XG: variants seen among roughly 807,000 people sequenced by gnomAD.
XG encodes Xg glycoprotein (Xg blood group).
XG carries 24 observed loss-of-function variants against 25.7 expected under a neutral mutation model. The ratio of observed to expected loss-of-function variants is 0.93; its 90% CI spans 0.68 to 1.31. The LOEUF is 1.31. XG is among the 40% of genes most tolerant of loss of function. The pLI is 0.00. For missense variants in XG, 181 were observed against 187.6 expected (o/e 0.96, Z 0.21); for synonymous variants, 77 against 69.2 (o/e 1.11, Z -0.56).
chrX:2,759,555 C>G (rs1466000150), intron 1 of XG, among the ~76,000 whole-genome samples: 2 of 152,146 alleles, frequency 1.3e-5, no homozygotes, highest in African/African-American at 2.4e-5. Flanking sequence ...GCTGAGCATT[C>G]CATAGTTTCC....
At chrX:2,765,236 A>G (rs906367997) in intron 1 of XG, among the ~76,000 whole-genome samples, 1 of 151,224 alleles carries the variant, frequency 6.6e-6, no homozygotes, top group African/African-American at 2.4e-5. Context: ...AATCCCAGCT[A>G]CTCAGGAGGC....
chrX:2,785,435 T>C (rs143272590), intron 4 of XG, among the ~76,000 whole-genome samples: 396 of 88,066 alleles, frequency 4.5e-3, no homozygotes, highest in Non-Finnish European at 7.5e-3. Flanking sequence ...GAGGACAGTA[T>C]GTAGCTTTTA....
intron 1 of XG, 62 bp from the exon 2 acceptor site, chrX:2,770,488 G>C: frequency 6.2e-7 from 1 of 1,601,748 alleles, no homozygotes; most frequent in Non-Finnish European, 8.6e-7. Flanking sequence ...ATGAGGTGAG[G>C]AACAAGGGGG....
intron 3 of XG, among the ~76,000 whole-genome samples, chrX:2,778,724 A>C (rs1247893255): frequency 6.6e-6 from 1 of 151,870 alleles, no homozygotes. Flanking sequence ...GACTGAGACA[A>C]TTGGCTGTTC....
At chrX:2,810,483 C>T (rs1287940410) in intron 9 of XG, among the ~76,000 whole-genome samples, 3 of 110,717 alleles carry the variant, frequency 2.7e-5, no homozygotes, top group African/African-American at 9.9e-5. Flanking sequence ...CATGAGTGGG[C>T]ATTCTACATC....
intron 8 of XG, among the ~76,000 whole-genome samples, chrX:2,807,103 T>C (rs190168335): frequency 3.1e-4 from 29 of 94,931 alleles, no homozygotes; most frequent in African/African-American, 1.1e-3. Flanking sequence ...CATAAGTGCA[T>C]GTGGATTTCA....
At chrX:2,791,630 C>T (rs1234124303) in intron 5 of XG, among the ~76,000 whole-genome samples, 1 of 109,253 alleles carries the variant, frequency 9.2e-6, no homozygotes, top group African/African-American at 3.3e-5. Context: ...CATGCAACAC[C>T]GTGCAATTGT....
Position 2,789,750 on chromosome X carries a change from T to C in XG, c.253+44T>C, listed in dbSNP as rs764153728. The stretch of plus-strand genomic sequence containing the variant: ...TTTATTTTTATTTTATTTTATTTTA[T>C]TTTATTTTACTATTTTATTTGATTC... On this transcript the variant is annotated intron_variant, in intron 5 of 10. Coordinates refer to ENST00000644266, the MANE Select transcript of XG (RefSeq NM_001141919.2). The C allele has an allele frequency of 6.7e-4, 485 of 722,903 alleles. 2 individuals are homozygous for C. The highest frequency in any genetic ancestry group is 7.5e-4 in the Non-Finnish European group (412 of 546,875). The allele number at this position is 722,903 out of a possible 1,213,427, so 59.6% of individuals were successfully genotyped here. A position where few individuals can be genotyped will look rare whatever the true frequency, so the allele number is the denominator to read the frequency against.
At chrX:2,754,758 A>AT (rs1429348162) in intron 1 of XG, among the ~76,000 whole-genome samples, 6 of 151,888 alleles carry the variant, frequency 4.0e-5, no homozygotes, top group Non-Finnish European at 8.8e-5. Context: ...CTCTTTTCAC[A>AT]TTTTTCTGCC....
chrX:2,775,752 T>C (rs188029285), intron 3 of XG, among the ~76,000 whole-genome samples: 6 of 151,870 alleles, frequency 4.0e-5, no homozygotes, highest in African/African-American at 1.4e-4. Context: ...GGTCAGGGGT[T>C]CGAGACCAAC....
At chrX:2,790,505 GAAAAA>G (rs55649691) in intron 5 of XG, among the ~76,000 whole-genome samples, 1 of 79,731 alleles carries the variant, frequency 1.3e-5, no homozygotes, top group South Asian at 7.3e-4. Context: ...GTCTCAAAAG[GAAAAA>G]AAAAAAAAAA....
At chrX:2,804,063 G>A (rs2086970324) in intron 7 of XG, among the ~76,000 whole-genome samples, 1 of 111,590 alleles carries the variant, frequency 9.0e-6, no homozygotes, top group African/African-American at 3.3e-5. Context: ...GGCCGGTCTC[G>A]AACTCCTGAC....
intron 6 of XG, among the ~76,000 whole-genome samples, chrX:2,796,631 T>C (rs778319624): frequency 9.8e-5 from 11 of 111,693 alleles, no homozygotes; most frequent in Admixed American, 4.8e-4. Flanking sequence ...GTACAGACTA[T>C]AGGAGACAGA....
At chrX:2,797,170 C>A in intron 6 of XG, 140 bp from the exon 7 acceptor site, 1 of 601,279 alleles carries the variant, frequency 1.7e-6, no homozygotes, top group Non-Finnish European at 2.6e-6. Context: ...CCCTGCTGGT[C>A]ACTCTTTGGA....
chrX:2,753,728 G>A (rs925031044), intron 1 of XG, among the ~76,000 whole-genome samples: 2 of 151,866 alleles, frequency 1.3e-5, no homozygotes, highest in Non-Finnish European at 2.9e-5. Context: ...GATTATAGGT[G>A]CCCACCACCA....
chrX:2,798,076 A>G (rs761815992), intron 7 of XG, among the ~76,000 whole-genome samples: 98 of 111,251 alleles, frequency 8.8e-4, no homozygotes, highest in Middle Eastern at 4.2e-3. Context: ...AAGAAAAGAA[A>G]AAAAGCAAGA....
intron 7 of XG, among the ~76,000 whole-genome samples, chrX:2,805,093 G>A (rs1039277407): frequency 1.8e-5 from 2 of 112,284 alleles, no homozygotes; most frequent in Non-Finnish European, 3.8e-5. Flanking sequence ...CGCCGCCATG[G>A]GATGAGTCAC....
intron 2 of XG, among the ~76,000 whole-genome samples, chrX:2,770,868 G>A (rs1224929240): frequency 1.3e-5 from 2 of 152,042 alleles, no homozygotes; most frequent in South Asian, 4.2e-4. Flanking sequence ...TTGTTGAGAT[G>A]GGAGTCTCGT....
intron 1 of XG, among the ~76,000 whole-genome samples, chrX:2,755,439 A>T (rs1190728409): frequency 3.3e-5 from 5 of 151,780 alleles, no homozygotes; most frequent in Non-Finnish European, 7.4e-5. Context: ...TCTCATCACC[A>T]TCTGGGTTTT....
Sources: gnomAD v4.1 joint callset for allele counts (sites outside exome capture counted in the v4.1 genomes callset) on GRCh38, gnomAD v4.1.1 for gene constraint, MANE v1.5 for transcripts, NCBI Gene and HGNC (gene_info 2026-07-23, HGNC 2026-07-21) for gene names.